The following LTBP1 variants were observed in gnomAD, a reference collection of about 807,000 sequenced individuals.
LTBP1 encodes latent transforming growth factor beta binding protein 1, also known as latent-transforming growth factor beta-binding protein 1.
A neutral mutation model predicts 207.6 loss-of-function variants in LTBP1; 129 were observed. The observed-to-expected ratio is 0.62, with a 90% confidence interval of 0.54 to 0.72. The LOEUF (loss-of-function observed/expected upper bound fraction) is 0.72, where lower values mean the gene tolerates loss of function less well. LTBP1 is among the 30% of genes least tolerant of loss of function. The pLI is 0.00. For missense variants in LTBP1, 2,281 were observed against 2,217.2 expected (o/e 1.03, Z -0.58); for synonymous variants, 963 against 833.7 (o/e 1.16, Z -2.67).
intron 5 of LTBP1, among the ~76,000 whole-genome samples, chr2:33,173,546 A>G (rs978702186): frequency 9.2e-5 from 14 of 152,218 alleles, no homozygotes; most frequent in Non-Finnish European, 1.5e-4. Flanking sequence ...CCAGGACCAG[A>G]TGGATTCACA....
intron 3 of LTBP1, among the ~76,000 whole-genome samples, chr2:33,077,015 G>A (rs984723154): frequency 6.6e-6 from 1 of 152,210 alleles, no homozygotes; most frequent in African/African-American, 2.4e-5. Flanking sequence ...TCCTCTGCCA[G>A]TTGAGATATA....
At chr2:33,149,552 G>C (rs2150959475) in intron 5 of LTBP1, among the ~76,000 whole-genome samples, 1 of 152,264 alleles carries the variant, frequency 6.6e-6, no homozygotes, top group East Asian at 1.9e-4. Context: ...TGTTGACCTA[G>C]TCAACTGGAC....
intron 2 of LTBP1, among the ~76,000 whole-genome samples, chr2:33,019,792 A>C (rs1573126329): frequency 6.6e-6 from 1 of 151,964 alleles, no homozygotes; most frequent in South Asian, 2.1e-4. Context: ...GATCACGGTC[A>C]CTGCAGCCTC....
At chr2:33,054,833 G>A (rs1323137690) in intron 3 of LTBP1, among the ~76,000 whole-genome samples, 1 of 152,192 alleles carries the variant, frequency 6.6e-6, no homozygotes, top group Admixed American at 6.5e-5. Context: ...CCTCAGTCCT[G>A]TTGTTGGATC....
intron 7 of LTBP1, among the ~76,000 whole-genome samples, chr2:33,199,238 G>A (rs1454816449): frequency 6.6e-6 from 1 of 152,080 alleles, no homozygotes; most frequent in African/African-American, 2.4e-5. Flanking sequence ...CTGAGTTCTA[G>A]TTTGATTGCA....
intron 19 of LTBP1, among the ~76,000 whole-genome samples, chr2:33,283,326 G>A (rs1259348221): frequency 6.8e-6 from 1 of 146,812 alleles, no homozygotes; most frequent in African/African-American, 2.5e-5. Context: ...GTCTCTAACT[G>A]TTACCTGTGA....
chr2:32,961,582 G>A (rs1361597198), intron 2 of LTBP1, among the ~76,000 whole-genome samples: 1 of 152,014 alleles, frequency 6.6e-6, no homozygotes, highest in African/African-American at 2.4e-5. Flanking sequence ...TAATTTACAC[G>A]TTGAATTAGT....
At position 33,192,410 on chromosome 2, in the gene LTBP1, A is replaced by C. The variant is rs547942858; in HGVS notation, c.1701+3559A>C. ...TGAATCTAATCAAACCCTTAGACTT[A>C]ACCCCAAGTTTACAGGGAATACCAA... On this transcript the variant is annotated intron_variant, in intron 7 of 33. Transcript: ENST00000404816. Among the ~76,000 whole-genome samples the C allele has an allele frequency of 2.0e-5, 3 of 152,276 alleles. No individual in the cohort carries two copies. The South Asian group carries it at 6.2e-4, about 32-fold the overall frequency.
chr2:33,104,959 G>A (rs1056293876), intron 3 of LTBP1, among the ~76,000 whole-genome samples: 1 of 152,044 alleles, frequency 6.6e-6, no homozygotes, highest in African/African-American at 2.4e-5. Context: ...TCAAGTTGCT[G>A]GAATCCTTCC....
At chr2:33,277,717 C>T (rs2093456528) in intron 18 of LTBP1, among the ~76,000 whole-genome samples, 1 of 149,310 alleles carries the variant, frequency 6.7e-6, no homozygotes, top group Admixed American at 6.7e-5. Context: ...AGAGCAGTAT[C>T]CCCCAACCCC....
At chr2:33,271,353 G>T (rs1218375341) in intron 15 of LTBP1, among the ~76,000 whole-genome samples, 1 of 151,720 alleles carries the variant, frequency 6.6e-6, no homozygotes, top group African/African-American at 2.4e-5. Context: ...GAAAATGTCA[G>T]AGATGAGTAT....
chr2:33,397,427 GA>G, intron 33 of LTBP1, 145 bp downstream of exon 33: 1 of 714,308 alleles, frequency 1.4e-6, no homozygotes, highest in East Asian at 2.8e-5. Flanking sequence ...AGTACAGTAT[GA>G]ATATACTTAA....
intron 2 of LTBP1, among the ~76,000 whole-genome samples, chr2:32,959,497 C>T (rs1678651941): frequency 6.7e-6 from 1 of 148,456 alleles, no homozygotes; most frequent in Non-Finnish European, 1.5e-5. Flanking sequence ...CAGACAATTC[C>T]AATGTGGCTT....
intron 31 of LTBP1, among the ~76,000 whole-genome samples, chr2:33,381,255 T>C (rs2095211424): frequency 6.6e-6 from 1 of 152,220 alleles, no homozygotes; most frequent in Admixed American, 6.5e-5. Flanking sequence ...ATTACAGTAG[T>C]ATAAATGTTT....
chr2:32,952,697 G>T (rs178142), intron 2 of LTBP1, among the ~76,000 whole-genome samples: 40,940 of 151,924 alleles, frequency 0.27, 6,432 homozygotes, highest in East Asian at 0.59. Context: ...CATTGGTTCT[G>T]CCAGTCTTTT....
chr2:33,042,780 G>A (rs533575647), intron 3 of LTBP1, among the ~76,000 whole-genome samples: 2 of 152,226 alleles, frequency 1.3e-5, no homozygotes, highest in East Asian at 1.9e-4. Context: ...TACAATAGGC[G>A]GCAATTTTTG....
chr2:33,073,702 C>G (rs1267508961), intron 3 of LTBP1, among the ~76,000 whole-genome samples: 5 of 152,074 alleles, frequency 3.3e-5, no homozygotes, highest in Non-Finnish European at 5.9e-5. Flanking sequence ...TCTCAGCTAA[C>G]TGTAACCTCC....
In LTBP1 at chr2:33,178,471, G is replaced by T. The variant is rs550571982; in HGVS notation, c.1202-8385G>T. ...TGTGATAGCGCTTCGTATCTCCTGGGTTATAAACAGAACATGTTATTGAAG... is the reference window on the plus strand; with the variant it reads ...TGTGATAGCGCTTCGTATCTCCTGGTTTATAAACAGAACATGTTATTGAAG... On this transcript the variant is annotated intron_variant, in intron 5 of 33. Coordinates refer to ENST00000404816, the MANE Select transcript of LTBP1 (RefSeq NM_206943.4). Among the ~76,000 whole-genome samples, 17 of 152,232 alleles carry T rather than the reference G, an allele frequency of 1.1e-4. 1 individual carries two copies. In the South Asian group the frequency reaches 3.5e-3, roughly 32 times the overall value.
chr2:33,137,961 A>G (rs759316101), intron 5 of LTBP1, among the ~76,000 whole-genome samples: 3 of 152,262 alleles, frequency 2.0e-5, no homozygotes, highest in East Asian at 1.9e-4. Flanking sequence ...GGCTGGGATA[A>G]CAGAGAGAGA....
Sources: allele counts gnomAD v4.1 joint callset (sites outside exome capture counted in the v4.1 genomes callset), GRCh38; gene constraint gnomAD v4.1.1; transcripts MANE v1.5; gene names NCBI Gene and HGNC (gene_info 2026-07-23, HGNC 2026-07-21).